SPCS3: variants seen among roughly 807,000 people sequenced by gnomAD.
The protein encoded by SPCS3 is signal peptidase complex subunit 3, also known as SPase 22 kDa subunit.
SPCS3 carries 9 observed loss-of-function variants against 17.2 expected under a neutral mutation model. That is an observed-to-expected ratio of 0.52 (90% CI 0.31 to 0.91). The LOEUF (loss-of-function observed/expected upper bound fraction) is 0.91. Ranked by LOEUF, SPCS3 falls within the 40% of genes least tolerant of loss-of-function variation. SPCS3 has a pLI of 0.04. For synonymous variants in SPCS3, 87 were observed against 89.6 expected (o/e 0.97, Z 0.16); for missense variants, 139 against 217.5 (o/e 0.64, Z 2.27).
Position 176,324,269 on chromosome 4 carries a change from T to C in SPCS3, c.294+12T>C. The C allele has an allele frequency of 9.4e-7, 1 of 1,061,850 alleles. No individual in the cohort carries two copies. The allele number at this position is 1,061,850 out of a possible 1,614,324, so 65.8% of individuals were successfully genotyped here. A position where few individuals can be genotyped will look rare whatever the true frequency, so the allele number is the denominator to read the frequency against. Reference sequence around the variant, plus strand: ...CAACAAAAAATAATGTAAGTATATCTAATTAGAAGTATTTTAATAGCTATT... The same window carrying C: ...CAACAAAAAATAATGTAAGTATATCCAATTAGAAGTATTTTAATAGCTATT... On this transcript the variant is annotated intron_variant, in intron 3 of 4. Transcript: ENST00000503362.
At chr4:176,327,683 T>A (rs1207587420) in intron 4 of SPCS3, among the ~76,000 whole-genome samples, 4 of 152,188 alleles carry the variant, frequency 2.6e-5, no homozygotes, top group Non-Finnish European at 5.9e-5. Context: ...TCTCTAAAGC[T>A]CATTTTAGTC....
Position 176,328,392 on chromosome 4 carries a change from TC to T in SPCS3, c.*65del. 1 of 1,306,664 alleles carries T rather than the reference TC, an allele frequency of 7.7e-7. No homozygotes were observed. The highest frequency in any genetic ancestry group is 1.0e-6 in the Non-Finnish European group (1 of 993,698). The allele number at this position is 1,306,664 out of a possible 1,614,324, so 80.9% of individuals were successfully genotyped here. ...AATGAATTGTATCTCATTAATCTCT[TC>T]CCTTACATCTTCATGTATTGTTGGT... On this transcript the variant is annotated 3_prime_UTR_variant, in exon 5 of 5. Transcript: ENST00000503362.
At chr4:176,328,124 T>G (rs1731632782) in intron 4 of SPCS3, 74 bp from the exon 5 acceptor site, 1 of 1,354,936 alleles carries the variant, frequency 7.4e-7, no homozygotes, top group Admixed American at 2.0e-5. Flanking sequence ...ATTTGACATC[T>G]CAGTGTTTGT....
rs1201034890 is a variant in SPCS3 at position 176,321,219 on chromosome 4, G to A, written c.144-951G>A. On this transcript the variant is annotated intron_variant, in intron 1 of 4. Transcript: ENST00000503362. ...ATGTTTGTTAGATATTGTTCGAATA[G>A]ACCTGGGGTGGACATCAGCACTGCC... The A allele has an allele frequency of 2.0e-5, 3 of 148,970 alleles. No homozygotes were observed. The East Asian group carries it at 6.0e-4, about 30-fold the overall frequency. The allele number at this position is 148,970 out of a possible 1,614,324, so 9.2% of individuals were successfully genotyped here.
chr4:176,324,152 T>G, intron 2 of SPCS3, 29 bp from the exon 3 acceptor site: 1 of 1,047,700 alleles, frequency 9.5e-7, no homozygotes, highest in Non-Finnish European at 1.3e-6. Context: ...ATACTGCTCA[T>G]AAATTTATAT....
In SPCS3 at chr4:176,328,434, G is replaced by T. The variant is rs13102347; in HGVS notation, c.*104G>T. ...TATTGTTGGTTTGTTTTTTGGTTTT[G>T]GGTTTTTTTTTTTTTTTTTTTGGTA... On this transcript the variant is annotated 3_prime_UTR_variant, in exon 5 of 5. Coordinates refer to ENST00000503362, the MANE Select transcript of SPCS3 (RefSeq NM_021928.4). 0.11 allele frequency: 89,241 copies of T among 848,628 alleles called. 5,783 individuals are homozygous for T. Among genetic ancestry groups the T allele is most frequent in the Non-Finnish European group, 0.12 (75,984 of 646,948 alleles). 52.6% of individuals were successfully genotyped at this position (848,628 alleles called of 1,614,324 possible). A position where few individuals can be genotyped will look rare whatever the true frequency, so the allele number is the denominator to read the frequency against.
intron 1 of SPCS3, 124 bp downstream of exon 1, chr4:176,320,343 G>T (rs1478473344): frequency 2.1e-6 from 2 of 955,006 alleles, no homozygotes; most frequent in East Asian, 8.1e-5. Flanking sequence ...TCGCCCTCCT[G>T]AGCGGCAGTT....
chr4:176,329,950 GTTTT>G lies in SPCS3; in HGVS notation c.*1622_*1625del, dbSNP rs1387499751. 1.3e-5 allele frequency: 2 copies of G among 152,162 alleles called. No individual in the cohort carries two copies. Among genetic ancestry groups the G allele is most frequent in the African/African-American group, 4.8e-5 (2 of 41,440 alleles). The allele number at this position is 152,162 out of a possible 1,614,324, so 9.4% of individuals were successfully genotyped here. Reference sequence around the variant, plus strand: ...TTCATGCAAAAGCCTGTGGGTATGGGTTTTTCAAACCAGCAGAAAGGTCAAAGGT... The same window carrying G: ...TTCATGCAAAAGCCTGTGGGTATGGGTCAAACCAGCAGAAAGGTCAAAGGT... On this transcript the variant is annotated 3_prime_UTR_variant, in exon 5 of 5. Transcript: ENST00000503362.
chr4:176,328,267 G>A lies in SPCS3; in HGVS notation c.480G>A (p.Val160=). ...CAAATGCTGGAATTCTACCTCTTGT[G>A]ACAGGATCAGGACACGTATCTGTCC... The part of the protein sequence containing the change: ...VVPNAGILPL[V]TGSGHVSVPF... Residue 160 remains valine (V), a synonymous_variant, in exon 5 of 5, where the codon GTG becomes GTA. Transcript: ENST00000503362. 1 of 1,613,176 alleles carries A rather than the reference G, an allele frequency of 6.2e-7. No homozygotes were observed. The highest frequency in any genetic ancestry group is 1.7e-4 in the Middle Eastern group (1 of 6,058).
At position 176,331,330 on chromosome 4, in the gene SPCS3, G is replaced by T. The variant is rs1731683480; in HGVS notation, c.*3000G>T. The T allele has an allele frequency of 6.6e-6, 1 of 152,026 alleles. No homozygotes were observed. The highest frequency in any genetic ancestry group is 1.5e-5 in the Non-Finnish European group (1 of 68,012). The allele number at this position is 152,026 out of a possible 1,614,324, so 9.4% of individuals were successfully genotyped here. ...AATACTTTGCATTGACATGAAGTGG[G>T]TTCATGGGGGAAAACCATGAGCTGT... On this transcript the variant is annotated 3_prime_UTR_variant, in exon 5 of 5. Transcript: ENST00000503362.
Position 176,328,454 on chromosome 4 carries a change from T to TC in SPCS3, c.*124_*125insC. The TC allele has an allele frequency of 1.4e-6, 1 of 698,382 alleles. No homozygotes were observed. The highest frequency in any genetic ancestry group is 2.1e-6 in the Non-Finnish European group (1 of 481,750). The allele number at this position is 698,382 out of a possible 1,614,324, so 43.3% of individuals were successfully genotyped here. A position where few individuals can be genotyped will look rare whatever the true frequency, so the allele number is the denominator to read the frequency against. On this transcript the variant is annotated 3_prime_UTR_variant, in exon 5 of 5. Transcript: ENST00000503362. ...GTTTTGGGTTTTTTTTTTTTTTTTT[T>TC]TGGTATAAGAACTAACATCAAAAGG...
Position 176,320,085 on chromosome 4 carries a change from G to C in SPCS3, c.9G>C (p.Thr3=), listed in dbSNP as rs574633870. The part of the protein sequence containing the change: MN[T]VLSRANSLFA... ...CGTGGGAGACGATCGCGATGAACAC[G>C]GTGCTGTCGCGGGCGAACTCACTGT... Residue 3 remains threonine (T), a synonymous_variant, in exon 1 of 5, where the codon ACG becomes ACC. Coordinates refer to ENST00000503362, the MANE Select transcript of SPCS3 (RefSeq NM_021928.4). 1.3e-5 allele frequency: 21 copies of C among 1,560,370 alleles called. No individual in the cohort carries two copies. The Admixed American group carries it at 2.6e-4, about 19-fold the overall frequency.
chr4:176,332,142 G>A lies in SPCS3; in HGVS notation c.*3812G>A, dbSNP rs1731700312. 6.6e-6 allele frequency: 1 copy of A among 152,230 alleles called. No individual in the cohort carries two copies. The highest frequency in any genetic ancestry group is 1.5e-5 in the Non-Finnish European group (1 of 68,076). The allele number at this position is 152,230 out of a possible 1,614,324, so 9.4% of individuals were successfully genotyped here. On this transcript the variant is annotated 3_prime_UTR_variant, in exon 5 of 5. Transcript: ENST00000503362. ...TGTATGCTCCTATACTAGACTGTAA[G>A]CTCTTTGAGGGCAGTCTGTCAGATT...
intron 3 of SPCS3, among the ~76,000 whole-genome samples, chr4:176,325,204 T>C (rs1197617110): frequency 6.6e-6 from 1 of 151,706 alleles, no homozygotes; most frequent in East Asian, 1.9e-4. Flanking sequence ...TACAGGCGCC[T>C]GCCACCATTC....
At chr4:176,323,165 G>A (rs1254182438) in intron 2 of SPCS3, among the ~76,000 whole-genome samples, 1 of 152,140 alleles carries the variant, frequency 6.6e-6, no homozygotes, top group African/African-American at 2.4e-5. Context: ...AGGAAATAGA[G>A]TGTACCATCG....
rs1731692808 is a variant in SPCS3, at chr4:176,331,888, T to G, written c.*3558T>G. On this transcript the variant is annotated 3_prime_UTR_variant, in exon 5 of 5. Coordinates refer to ENST00000503362, the MANE Select transcript of SPCS3 (RefSeq NM_021928.4). Reference sequence around the variant, plus strand: ...ACAGGTGTGAGCCACCGTGCCCGGCTGAAGATTTTTCTTAATTGCAATAAA... The same window carrying G: ...ACAGGTGTGAGCCACCGTGCCCGGCGGAAGATTTTTCTTAATTGCAATAAA... 1 of 152,174 alleles carries G rather than the reference T, an allele frequency of 6.6e-6. No homozygotes were observed. The highest frequency in any genetic ancestry group is 2.4e-5 in the African/African-American group (1 of 41,456). The allele number at this position is 152,174 out of a possible 1,614,324, so 9.4% of individuals were successfully genotyped here.
chr4:176,324,075 T>A lies in SPCS3; in HGVS notation c.218-106T>A, dbSNP rs1731571875. The A allele has an allele frequency of 4.4e-5, 25 of 574,644 alleles. No individual in the cohort carries two copies. In the South Asian group the frequency reaches 7.0e-4, roughly 16 times the overall value. The allele number at this position is 574,644 out of a possible 1,614,324, so 35.6% of individuals were successfully genotyped here. On this transcript the variant is annotated intron_variant, in intron 2 of 4. Transcript: ENST00000503362. ...CACATTATGTTTCTGGGCCGCCTCT[T>A]TTCTACTTTAGTATTACTGTTATGG...
rs376339014 is a variant in SPCS3, at chr4:176,329,104, T to G, written c.*774T>G. ...TAAAATGTTTGCATGGTTTACCCTC[T>G]GAGTTATGTTTCTTCTAGTGAGCAT... On this transcript the variant is annotated 3_prime_UTR_variant, in exon 5 of 5. Transcript: ENST00000503362. The G allele has an allele frequency of 1.3e-5, 2 of 152,278 alleles. No homozygotes were observed. Among genetic ancestry groups the G allele is most frequent in the South Asian group, 4.1e-4 (2 of 4,834 alleles). The allele number at this position is 152,278 out of a possible 1,614,324, so 9.4% of individuals were successfully genotyped here. A position where few individuals can be genotyped will look rare whatever the true frequency, so the allele number is the denominator to read the frequency against.
At chr4:176,326,462 A>G (rs978047837) in intron 3 of SPCS3, among the ~76,000 whole-genome samples, 12 of 152,136 alleles carry the variant, frequency 7.9e-5, no homozygotes, top group Admixed American at 1.3e-4. Context: ...TCCATTTCAT[A>G]CTTTTAATTT....
Sources: gnomAD v4.1 joint callset for allele counts (sites outside exome capture counted in the v4.1 genomes callset) on GRCh38, gnomAD v4.1.1 for gene constraint, MANE v1.5 for transcripts, NCBI Gene and HGNC (gene_info 2026-07-23, HGNC 2026-07-21) for gene names.